COL4A3: variants seen among roughly 807,000 people sequenced by gnomAD.
COL4A3 encodes collagen alpha-3(IV) chain.
In COL4A3, 135 loss-of-function variants were observed where a neutral mutation model predicts 217.4. The observed-to-expected ratio is 0.62, with a 90% CI of 0.54 to 0.72. COL4A3 has a LOEUF of 0.72. Among genes scored for constraint, COL4A3 ranks in the 30% least tolerant of loss-of-function variants. COL4A3 has a pLI of 0.00. For synonymous variants in COL4A3, 690 were observed against 736.3 expected, an observed-to-expected ratio of 0.94 and a Z score of 1.02; for missense variants, 1,868 against 2,119.9, an observed-to-expected ratio of 0.88 and a Z score of 2.33.
chr2:227,233,495 A>G (rs2068520200), intron 1 of COL4A3, among the ~76,000 whole-genome samples: 1 of 152,162 alleles, frequency 6.6e-6, no homozygotes, highest in East Asian at 1.9e-4. Context: ...TATATATTTG[A>G]AGTTAACTAG....
chr2:227,299,668 A>C (rs1181058484), intron 43 of COL4A3, among the ~76,000 whole-genome samples: 1 of 152,218 alleles, frequency 6.6e-6, no homozygotes, highest in Non-Finnish European at 1.5e-5. Context: ...GCAAAAATTT[A>C]CAATTTTTGA....
At chr2:227,277,630 TA>T (rs2071663939) in intron 28 of COL4A3, 77 bp downstream of exon 28, 1 of 790,538 alleles carries the variant, frequency 1.3e-6, no homozygotes, top group Non-Finnish European at 2.1e-6. Context: ...ATAAAATGAG[TA>T]AAATACAATA....
chr2:227,245,754 T>C, intron 5 of COL4A3, 200 bp from the exon 6 acceptor site: 1 of 634,650 alleles, frequency 1.6e-6, no homozygotes, highest in East Asian at 2.8e-5. Flanking sequence ...CACATCTCAT[T>C]TGATAAGTCT....
chr2:227,206,710 A>T (rs1032783458), intron 1 of COL4A3, among the ~76,000 whole-genome samples: 63 of 152,160 alleles, frequency 4.1e-4, no homozygotes, highest in Non-Finnish European at 5.7e-4. Flanking sequence ...CTCACAGGTG[A>T]TTTGTATGCA....
At chr2:227,289,886 C>T in intron 35 of COL4A3, 113 bp from the exon 36 acceptor site, 1 of 1,032,640 alleles carries the variant, frequency 9.7e-7, no homozygotes, top group South Asian at 1.4e-5. Flanking sequence ...AGTGCCCAAA[C>T]CAGCCGGTCT....
At chr2:227,203,861 T>C (rs933656929) in intron 1 of COL4A3, among the ~76,000 whole-genome samples, 1 of 151,732 alleles carries the variant, frequency 6.6e-6, no homozygotes, top group African/African-American at 2.4e-5. Context: ...ATTCCAAAAA[T>C]ATTTGCCACA....
chr2:227,285,423 T>TG (rs2072260117), intron 34 of COL4A3, among the ~76,000 whole-genome samples: 1 of 152,004 alleles, frequency 6.6e-6, no homozygotes. Context: ...ACTTTAGTTC[T>TG]GGTACAAAAA....
intron 21 of COL4A3, among the ~76,000 whole-genome samples, chr2:227,264,411 A>C (rs939799026): frequency 6.6e-6 from 1 of 152,108 alleles, no homozygotes; most frequent in Non-Finnish European, 1.5e-5. Flanking sequence ...AGGAAGTCCC[A>C]TGCCTTGGCA....
chr2:227,254,203 A>G (rs1412933224), intron 14 of COL4A3, 29 bp downstream of exon 14: 2 of 1,591,212 alleles, frequency 1.3e-6, no homozygotes, highest in Non-Finnish European at 8.6e-7. Flanking sequence ...TATTGTCCCC[A>G]TAACACATAA....
intron 37 of COL4A3, among the ~76,000 whole-genome samples, chr2:227,292,479 G>A (rs1232572795): frequency 6.6e-6 from 1 of 152,178 alleles, no homozygotes; most frequent in Non-Finnish European, 1.5e-5. Flanking sequence ...TTAGAACTGT[G>A]CATTGAACAC....
chr2:227,284,413 A>G, intron 34 of COL4A3, 68 bp downstream of exon 34: 1 of 1,549,210 alleles, frequency 6.5e-7, no homozygotes, highest in African/African-American at 1.3e-5. Flanking sequence ...TATCCAGGCA[A>G]ATCCGTTTGG....
intron 37 of COL4A3, among the ~76,000 whole-genome samples, chr2:227,292,951 C>T (rs1418007194): frequency 2.0e-5 from 3 of 152,178 alleles, no homozygotes; most frequent in African/African-American, 7.2e-5. Context: ...TGACGCTATG[C>T]TGTTGCTGTC....
intron 41 of COL4A3, among the ~76,000 whole-genome samples, chr2:227,297,470 G>T (rs2073077676): frequency 6.6e-6 from 1 of 152,174 alleles, no homozygotes; most frequent in South Asian, 2.1e-4. Flanking sequence ...CAGACAGCTA[G>T]TTGGAGACAG....
chr2:227,288,021 T>C (rs2072444781), intron 34 of COL4A3, among the ~76,000 whole-genome samples: 1 of 152,212 alleles, frequency 6.6e-6, no homozygotes, highest in Non-Finnish European at 1.5e-5. Context: ...AGGCAGGCTA[T>C]AGACAGATTG....
At chr2:227,190,196 T>G (rs1004155389) in intron 1 of COL4A3, among the ~76,000 whole-genome samples, 1 of 152,276 alleles carries the variant, frequency 6.6e-6, no homozygotes, top group Non-Finnish European at 1.5e-5. Flanking sequence ...AGATCAATTG[T>G]CATATTTTAA....
At chr2:227,193,359 G>A (rs2066315620) in intron 1 of COL4A3, among the ~76,000 whole-genome samples, 1 of 152,182 alleles carries the variant, frequency 6.6e-6, no homozygotes, top group Non-Finnish European at 1.5e-5. Flanking sequence ...CTTAGTTTAA[G>A]GAAGGACTCA....
chr2:227,309,169 G>A, intron 49 of COL4A3, 35 bp from the exon 50 acceptor site: 1 of 1,611,760 alleles, frequency 6.2e-7, no homozygotes, highest in Non-Finnish European at 8.5e-7. Flanking sequence ...TGCAGAAAGT[G>A]GCAATGCCGC....
chr2:227,263,654 A>G (rs774894353), intron 20 of COL4A3, 126 bp from the exon 21 acceptor site: 37 of 928,424 alleles, frequency 4.0e-5, no homozygotes, highest in Non-Finnish European at 5.7e-5. Context: ...TTTATTTTAT[A>G]TGTGTTATGT....
intron 1 of COL4A3, among the ~76,000 whole-genome samples, chr2:227,193,578 T>C (rs2066325407): frequency 6.6e-6 from 1 of 151,474 alleles, no homozygotes; most frequent in East Asian, 1.9e-4. Flanking sequence ...CAGGCGTGGT[T>C]GTGCATGCCT....
Sources: allele counts gnomAD v4.1 joint callset (sites outside exome capture counted in the v4.1 genomes callset), GRCh38; gene constraint gnomAD v4.1.1; transcripts MANE v1.5; gene names NCBI Gene and HGNC (gene_info 2026-07-23, HGNC 2026-07-21).